Variants in CAMSAP2 observed in about 807,000 individuals in gnomAD.
The protein encoded by CAMSAP2 is calmodulin regulated spectrin associated protein family member 2.
Under a neutral mutation model 146.1 loss-of-function variants are expected in CAMSAP2, and 26 were observed. That is an observed-to-expected ratio of 0.18 (90% CI 0.13 to 0.25). The LOEUF (loss-of-function observed/expected upper bound fraction) is 0.25. Among genes scored for constraint, CAMSAP2 ranks in the 10% least tolerant of loss-of-function variants. The pLI is 1.00. For synonymous variants in CAMSAP2, 499 were observed against 596.6 expected (o/e 0.84, Z 2.38); for missense variants, 1,381 against 1,759.3 (o/e 0.78, Z 3.85).
chr1:200,827,001 T>C (rs1445610616), intron 4 of CAMSAP2, among the ~76,000 whole-genome samples: 1 of 152,234 alleles, frequency 6.6e-6, no homozygotes, highest in Non-Finnish European at 1.5e-5. Flanking sequence ...ACTTCAGAAA[T>C]GGCGTTATTC....
chr1:200,748,252 A>G (rs996635264), intron 1 of CAMSAP2, among the ~76,000 whole-genome samples: 3 of 152,170 alleles, frequency 2.0e-5, no homozygotes, highest in African/African-American at 7.2e-5. Context: ...ACCACTGCCA[A>G]TTATTTGAAA....
In CAMSAP2 at chr1:200,832,577, T is replaced by C. The variant is rs776492129; in HGVS notation, c.788-129T>C. On this transcript the variant is annotated intron_variant, in intron 5 of 16. Transcript: ENST00000358823. The surrounding 1 kb of genome is among the most constrained non-coding windows in gnomAD (Gnocchi z 4.2). The stretch of plus-strand genomic sequence containing the variant: ...TCGGTTTCTAAGTCTTAATGTATAA[T>C]GACTACTATATTTATAAATGTATGT... 6.1e-6 allele frequency: 5 copies of C among 815,760 alleles called. No individual in the cohort carries two copies. The highest frequency in any genetic ancestry group is 5.9e-5 in the East Asian group (2 of 33,752). 50.5% of individuals were successfully genotyped at this position (815,760 alleles called of 1,614,324 possible).
intron 3 of CAMSAP2, among the ~76,000 whole-genome samples, chr1:200,811,516 T>C (rs1456103827): frequency 6.6e-6 from 1 of 152,226 alleles, no homozygotes; most frequent in Non-Finnish European, 1.5e-5. Context: ...CATATAAACA[T>C]GGATTTCACT....
intron 1 of CAMSAP2, among the ~76,000 whole-genome samples, chr1:200,756,395 G>GT (rs1379886051): frequency 1.3e-5 from 2 of 152,034 alleles, no homozygotes; most frequent in African/African-American, 4.8e-5. Context: ...GGAGGTTGCA[G>GT]TGAGTCGAGA....
intron 2 of CAMSAP2, among the ~76,000 whole-genome samples, chr1:200,766,662 G>T (rs184431555): frequency 0.022 from 3,385 of 151,848 alleles, 64 homozygotes; most frequent in Admixed American, 0.048. Context: ...TTCTTTTTCG[G>T]TTTTTTTTCT....
At chr1:200,769,503 C>T (rs1377234303) in intron 2 of CAMSAP2, among the ~76,000 whole-genome samples, 1 of 152,084 alleles carries the variant, frequency 6.6e-6, no homozygotes, top group Non-Finnish European at 1.5e-5. Context: ...GCTTAGTCCC[C>T]AAGACTACCC....
chr1:200,848,808 C>G lies in CAMSAP2; in HGVS notation c.2039C>G (p.Ser680Cys), dbSNP rs1205764099. 8.1e-6 allele frequency: 13 copies of G among 1,614,024 alleles called. No homozygotes were observed. The highest frequency in any genetic ancestry group is 1.6e-4 in the Middle Eastern group (1 of 6,084). ...TCTCAGCCAGGCAGCAGTGCTTCTT[C>G]TAGTTCTGGAGTTAAAATGACCAGC... ...TKSQPGSSAS[S>C]SSGVKMTSFA... The change falls in exon 11 of 17, where the codon TCT becomes TGT. Residue 680 changes from serine (S) to cysteine (C), a missense_variant. Physicochemically the swap from Ser to Cys is moderately radical, Grantham distance 112. Transcript: ENST00000358823.
chr1:200,742,134 AT>A (rs1227552884), intron 1 of CAMSAP2, among the ~76,000 whole-genome samples: 2 of 152,230 alleles, frequency 1.3e-5, no homozygotes, highest in African/African-American at 4.8e-5. Flanking sequence ...TTTGCACAAG[AT>A]TAAACATCTG....
chr1:200,751,402 G>T (rs890791440), intron 1 of CAMSAP2, among the ~76,000 whole-genome samples: 2 of 151,740 alleles, frequency 1.3e-5, no homozygotes, highest in African/African-American at 4.8e-5. Context: ...TGGGTGTGGT[G>T]GTGGGCACCT....
At chr1:200,817,125 C>T (rs1484499347) in intron 4 of CAMSAP2, among the ~76,000 whole-genome samples, 1 of 141,448 alleles carries the variant, frequency 7.1e-6, no homozygotes, top group African/African-American at 2.6e-5. Context: ...TGTATATACA[C>T]GTATATATGT....
At position 200,853,077 on chromosome 1, in the gene CAMSAP2, TCTTC is replaced by T. The variant is rs1667664862; in HGVS notation, c.3603-192_3603-189del. Among the ~76,000 whole-genome samples the T allele has an allele frequency of 1.3e-5, 2 of 152,200 alleles. No homozygotes were observed. Among genetic ancestry groups the T allele is most frequent in the African/African-American group, 2.4e-5 (1 of 41,534 alleles). On this transcript the variant is annotated intron_variant, in intron 12 of 16. Coordinates refer to ENST00000358823, the MANE Select transcript of CAMSAP2 (RefSeq NM_203459.4). The surrounding 1 kb of genome is among the most constrained non-coding windows in gnomAD (Gnocchi z 5.1). Reference sequence around the variant, plus strand: ...CTTTATTTTTATTTATTTATTTGACTCTTCCTTCCCTCCTTTATTTACTTATTTA... The same window carrying T: ...CTTTATTTTTATTTATTTATTTGACTCTTCCCTCCTTTATTTACTTATTTA...
At chr1:200,839,233 T>C (rs889808432) in intron 6 of CAMSAP2, among the ~76,000 whole-genome samples, 2 of 152,198 alleles carry the variant, frequency 1.3e-5, no homozygotes, top group Non-Finnish European at 2.9e-5. Flanking sequence ...CATATGTACA[T>C]CATTGGTGAC....
chr1:200,770,350 C>A (rs1665081319), intron 2 of CAMSAP2, among the ~76,000 whole-genome samples: 2 of 152,038 alleles, frequency 1.3e-5, no homozygotes, highest in South Asian at 4.1e-4. Flanking sequence ...CTGCTGATTC[C>A]AAAGCCCATG....
At chr1:200,810,987 C>T (rs953952596) in intron 3 of CAMSAP2, among the ~76,000 whole-genome samples, 6 of 152,186 alleles carry the variant, frequency 3.9e-5, no homozygotes, top group Admixed American at 2.6e-4. Context: ...ACAACAGACT[C>T]TCTCAAGAGT....
Position 200,756,327 on chromosome 1 carries a change from C to A in CAMSAP2, c.140-4512C>A, listed in dbSNP as rs181487863. ...AATTAGCTGGGTGTGGTGGCACATA[C>A]CTGTAGTCCCAGCTACTCGGAAGGC... On this transcript the variant is annotated intron_variant, in intron 1 of 16. Coordinates refer to ENST00000358823, the MANE Select transcript of CAMSAP2 (RefSeq NM_203459.4). Among the ~76,000 whole-genome samples, 332 of 152,124 alleles carry A rather than the reference C, an allele frequency of 2.2e-3. 2 individuals carry two copies. Among genetic ancestry groups the A allele is most frequent in the African/African-American group, 7.7e-3 (321 of 41,494 alleles).
intron 4 of CAMSAP2, among the ~76,000 whole-genome samples, chr1:200,831,937 A>C (rs559544327): frequency 2.0e-5 from 3 of 152,276 alleles, no homozygotes; most frequent in Non-Finnish European, 4.4e-5. Context: ...ATGCTTTTAT[A>C]CTTAAATATT....
At chr1:200,844,149 G>A (rs996317026) in intron 7 of CAMSAP2, among the ~76,000 whole-genome samples, 1 of 152,028 alleles carries the variant, frequency 6.6e-6, no homozygotes, top group Non-Finnish European at 1.5e-5. Context: ...GGGATTACAG[G>A]CGTGAACCAC....
At chr1:200,790,317 C>T (rs754061823) in intron 2 of CAMSAP2, among the ~76,000 whole-genome samples, 1 of 152,116 alleles carries the variant, frequency 6.6e-6, no homozygotes, top group Non-Finnish European at 1.5e-5. Context: ...GAAATTCTCT[C>T]TCCCCTCCCA....
intron 2 of CAMSAP2, among the ~76,000 whole-genome samples, chr1:200,777,815 C>T (rs573755277): frequency 3.5e-4 from 54 of 152,250 alleles, no homozygotes; most frequent in African/African-American, 1.3e-3. Context: ...TGGCAAGTGC[C>T]TGTAGTCCCA....
Sources: allele counts gnomAD v4.1 joint callset (sites outside exome capture counted in the v4.1 genomes callset), GRCh38; gene constraint gnomAD v4.1.1; non-coding constraint Gnocchi (gnomAD v3.1); transcripts MANE v1.5; gene names NCBI Gene and HGNC (gene_info 2026-07-23, HGNC 2026-07-21).